TNKS: variants seen among roughly 807,000 people sequenced by gnomAD.
The protein encoded by TNKS is poly [ADP-ribose] polymerase tankyrase-1.
Under a neutral mutation model 135.8 loss-of-function variants are expected in TNKS, and 72 were observed. The observed-to-expected ratio is 0.53, with a 90% CI of 0.44 to 0.64. The LOEUF (loss-of-function observed/expected upper bound fraction) is 0.64, where lower values mean the gene tolerates loss of function less well. Ranked by LOEUF, TNKS falls within the 30% of genes least tolerant of loss-of-function variation. The probability of loss-of-function intolerance (pLI) is 0.00; values close to 1 mark genes in which losing one functional copy is unlikely to be tolerated. For synonymous variants in TNKS, 849 were observed against 649.3 expected (o/e 1.31, Z -4.68); for missense variants, 1,769 against 1,674.0 (o/e 1.06, Z -0.99).
intron 5 of TNKS, among the ~76,000 whole-genome samples, chr8:9,701,745 G>A (rs1803814960): frequency 6.6e-6 from 1 of 152,222 alleles, no homozygotes; most frequent in Non-Finnish European, 1.5e-5. Flanking sequence ...AAAACCAGGA[G>A]GAACCTGATG....
At chr8:9,641,495 G>C (rs1272634482) in intron 3 of TNKS, among the ~76,000 whole-genome samples, 1 of 144,978 alleles carries the variant, frequency 6.9e-6, no homozygotes, top group African/African-American at 2.6e-5. Flanking sequence ...AAATACTTGA[G>C]AATTTCTTAA....
At position 9,649,889 on chromosome 8, in the gene TNKS, T is replaced by C. The variant is rs1416427275; in HGVS notation, c.995-30062T>C. On this transcript the variant is annotated intron_variant, in intron 3 of 26. Coordinates refer to ENST00000310430, the MANE Select transcript of TNKS (RefSeq NM_003747.3). ...CTTTCTTTTCTTTTCTTTTTTTTTT[T>C]TTTTTTTTTTTTTTTTTTGAGATGG... 5.0e-3 allele frequency among the ~76,000 whole-genome samples: 474 copies of C among 95,406 alleles called. 4 individuals carry two copies. The highest frequency in any genetic ancestry group is 7.6e-3 in the Non-Finnish European group (352 of 46,538). The allele number at this position is 95,406 out of a possible 152,430, so 62.6% of individuals were successfully genotyped here.
chr8:9,583,554 T>A (rs1798251385), intron 2 of TNKS, among the ~76,000 whole-genome samples: 2 of 152,042 alleles, frequency 1.3e-5, no homozygotes, highest in Admixed American at 1.3e-4. Flanking sequence ...GGTGGCGCGA[T>A]CTCTGCTCAC....
intron 1 of TNKS, among the ~76,000 whole-genome samples, chr8:9,559,952 T>C (rs1225589780): frequency 6.6e-6 from 1 of 152,168 alleles, no homozygotes; most frequent in East Asian, 1.9e-4. Flanking sequence ...GTTCTCAAAA[T>C]ACTATTTTTG....
At chr8:9,576,113 T>A (rs1054169393) in intron 1 of TNKS, among the ~76,000 whole-genome samples, 5 of 152,160 alleles carry the variant, frequency 3.3e-5, no homozygotes, top group African/African-American at 9.7e-5. Flanking sequence ...CAGAGCAGAA[T>A]GAAATTACCT....
intron 2 of TNKS, among the ~76,000 whole-genome samples, chr8:9,614,722 ATTGT>A (rs1046298523): frequency 4.6e-5 from 7 of 152,120 alleles, no homozygotes; most frequent in African/African-American, 1.7e-4. Context: ...TGATTTAATC[ATTGT>A]TTGGGTAGTA....
chr8:9,741,864 C>T (rs760972067), intron 17 of TNKS: 1 of 278,866 alleles, frequency 3.6e-6, no homozygotes, highest in East Asian at 7.7e-5. Flanking sequence ...TCCACTCTTT[C>T]ATTTTCATAA....
At chr8:9,698,335 G>A (rs529326823) in intron 5 of TNKS, among the ~76,000 whole-genome samples, 1 of 123,218 alleles carries the variant, frequency 8.1e-6, no homozygotes, top group African/African-American at 3.1e-5. Flanking sequence ...TAACAAACCT[G>A]CACATGGCCC....
At chr8:9,742,952 A>T (rs1018075203) in intron 17 of TNKS, among the ~76,000 whole-genome samples, 11 of 152,056 alleles carry the variant, frequency 7.2e-5, no homozygotes, top group African/African-American at 2.2e-4. Flanking sequence ...TTATTTGTAG[A>T]TTGATAAATC....
rs1236156422 is a variant in TNKS at position 9,781,892 on chromosome 8, T to A, written c.*5156T>A. 1 of 152,604 alleles carries A rather than the reference T, an allele frequency of 6.6e-6. No individual in the cohort carries two copies. The highest frequency in any genetic ancestry group is 2.4e-5 in the African/African-American group (1 of 41,450). 9.5% of individuals were successfully genotyped at this position (152,604 alleles called of 1,614,324 possible). A position where few individuals can be genotyped will look rare whatever the true frequency, so the allele number is the denominator to read the frequency against. Reference sequence around the variant, plus strand: ...TCCTTTCTTTTTTGTATTTATCTATTTGTAGGATTGTCAGATCAAGTACAA... The same window carrying A: ...TCCTTTCTTTTTTGTATTTATCTATATGTAGGATTGTCAGATCAAGTACAA... On this transcript the variant is annotated 3_prime_UTR_variant, in exon 27 of 27. Coordinates refer to ENST00000310430, the MANE Select transcript of TNKS (RefSeq NM_003747.3).
intron 5 of TNKS, among the ~76,000 whole-genome samples, chr8:9,691,349 A>T (rs1803258250): frequency 6.6e-6 from 1 of 152,202 alleles, no homozygotes; most frequent in African/African-American, 2.4e-5. Flanking sequence ...CGCTTATCCA[A>T]TGGAACAGTC....
chr8:9,643,148 A>C (rs1415400591), intron 3 of TNKS, among the ~76,000 whole-genome samples: 2 of 146,614 alleles, frequency 1.4e-5, no homozygotes, highest in Non-Finnish European at 3.0e-5. Context: ...CTTGGAAAGA[A>C]ATACATAAGA....
chr8:9,765,485 A>G (rs1411448467), intron 23 of TNKS, among the ~76,000 whole-genome samples: 1 of 152,048 alleles, frequency 6.6e-6, no homozygotes, highest in Non-Finnish European at 1.5e-5. Context: ...CAGGTCTGGT[A>G]TAGAACAACA....
At chr8:9,573,803 G>A (rs1436977643) in intron 1 of TNKS, among the ~76,000 whole-genome samples, 2 of 152,146 alleles carry the variant, frequency 1.3e-5, no homozygotes, top group African/African-American at 4.8e-5. Context: ...ATGACTTTAA[G>A]ATGTGATTTT....
intron 4 of TNKS, among the ~76,000 whole-genome samples, chr8:9,680,367 G>A (rs906626227): frequency 6.9e-6 from 1 of 144,182 alleles, no homozygotes; most frequent in South Asian, 2.4e-4. Context: ...TGTGTTCTTG[G>A]TCGTTTATAA....
chr8:9,664,045 C>A (rs1012688490), intron 3 of TNKS, among the ~76,000 whole-genome samples: 1 of 152,170 alleles, frequency 6.6e-6, no homozygotes, highest in African/African-American at 2.4e-5. Context: ...GGAGACTATC[C>A]AGGAGCCCCC....
At chr8:9,668,040 G>A (rs757973756) in intron 3 of TNKS, among the ~76,000 whole-genome samples, 80 of 152,110 alleles carry the variant, frequency 5.3e-4, no homozygotes, top group Admixed American at 4.6e-4. Flanking sequence ...CACCAAACCT[G>A]CAGCAACTTG....
chr8:9,617,660 T>C (rs1442191592), intron 3 of TNKS, among the ~76,000 whole-genome samples: 1 of 152,200 alleles, frequency 6.6e-6, no homozygotes, highest in Non-Finnish European at 1.5e-5. Context: ...GAAAGAATTA[T>C]TTCCAGAGCT....
At chr8:9,745,810 C>G (rs1221516693) in intron 17 of TNKS, among the ~76,000 whole-genome samples, 1 of 151,988 alleles carries the variant, frequency 6.6e-6, no homozygotes, top group African/African-American at 2.4e-5. Context: ...GATAAATGTT[C>G]TTCACTTTGT....
Sources: gnomAD v4.1 joint callset for allele counts (sites outside exome capture counted in the v4.1 genomes callset) on GRCh38, gnomAD v4.1.1 for gene constraint, MANE v1.5 for transcripts, NCBI Gene and HGNC (gene_info 2026-07-23, HGNC 2026-07-21) for gene names.